The following EPB41L4A variants were observed in gnomAD, a reference collection of about 807,000 sequenced individuals.
EPB41L4A encodes the protein erythrocyte membrane protein band 4.1 like 4A, also known as band 4.1-like protein 4A.
Under a neutral mutation model 108.6 loss-of-function variants are expected in EPB41L4A, and 100 were observed. The ratio of observed to expected loss-of-function variants is 0.92; its 90% CI spans 0.78 to 1.09. The LOEUF is 1.09. EPB41L4A is among the 50% of genes least tolerant of loss of function. The pLI, the probability that EPB41L4A is intolerant of heterozygous loss-of-function variation, is 0.00. For synonymous variants in EPB41L4A, 319 were observed against 289.0 expected (o/e 1.10, Z -1.05); for missense variants, 1,030 against 842.7 (o/e 1.22, Z -2.75).
intron 22 of EPB41L4A, 27 bp from the exon 23 acceptor site, chr5:112,165,145 A>G: frequency 1.3e-6 from 2 of 1,525,088 alleles, no homozygotes; most frequent in Non-Finnish European, 1.8e-6. Flanking sequence ...AAATGTAGAA[A>G]GATTCAGAAG....
chr5:112,204,288 G>A (rs1046523456), intron 15 of EPB41L4A, 87 bp downstream of exon 15: 6 of 764,818 alleles, frequency 7.8e-6, no homozygotes, highest in Middle Eastern at 2.4e-4. Context: ...CAGTAATGTC[G>A]GTATAAGAAT....
intron 2 of EPB41L4A, among the ~76,000 whole-genome samples, chr5:112,293,267 G>A (rs1232348208): frequency 6.6e-6 from 1 of 151,922 alleles, no homozygotes; most frequent in African/African-American, 2.4e-5. Flanking sequence ...TTGTTATACA[G>A]GTAATCTCGT....
intron 9 of EPB41L4A, among the ~76,000 whole-genome samples, chr5:112,252,678 C>G (rs1440660660): frequency 6.6e-6 from 1 of 152,000 alleles, no homozygotes; most frequent in Non-Finnish European, 1.5e-5. Flanking sequence ...ATGGAAACAA[C>G]AGACACTGGG....
chr5:112,373,436 T>C (rs1317416161), intron 1 of EPB41L4A, among the ~76,000 whole-genome samples: 1 of 152,198 alleles, frequency 6.6e-6, no homozygotes, highest in African/African-American at 2.4e-5. Context: ...CAACCTGAAA[T>C]TCAACTCATT....
intron 2 of EPB41L4A, among the ~76,000 whole-genome samples, chr5:112,302,999 A>G (rs557410003): frequency 6.6e-6 from 1 of 152,262 alleles, no homozygotes; most frequent in Non-Finnish European, 1.5e-5. Context: ...TCAAAGGGTT[A>G]CCTAAGAGGA....
At chr5:112,354,184 T>C (rs1436613954) in intron 1 of EPB41L4A, among the ~76,000 whole-genome samples, 1 of 152,224 alleles carries the variant, frequency 6.6e-6, no homozygotes, top group Non-Finnish European at 1.5e-5. Flanking sequence ...TGCTTTATAA[T>C]AGTGCCTGGC....
intron 7 of EPB41L4A, among the ~76,000 whole-genome samples, chr5:112,262,184 C>T (rs1751539308): frequency 6.6e-6 from 1 of 152,150 alleles, no homozygotes; most frequent in African/African-American, 2.4e-5. Flanking sequence ...GCATGAGCAA[C>T]CACGCCTGGC....
At chr5:112,277,698 A>G (rs910282935) in intron 3 of EPB41L4A, among the ~76,000 whole-genome samples, 3 of 152,146 alleles carry the variant, frequency 2.0e-5, no homozygotes, top group Admixed American at 1.3e-4. Flanking sequence ...AAATAATAAT[A>G]CCTTTAGAGT....
intron 18 of EPB41L4A, among the ~76,000 whole-genome samples, chr5:112,174,016 A>C (rs1467788783): frequency 1.3e-5 from 2 of 152,200 alleles, no homozygotes; most frequent in African/African-American, 4.8e-5. Flanking sequence ...AAGATTGAAG[A>C]GTTTAGTCTT....
At chr5:112,302,601 G>A (rs575832179) in intron 2 of EPB41L4A, among the ~76,000 whole-genome samples, 2 of 152,240 alleles carry the variant, frequency 1.3e-5, no homozygotes, top group South Asian at 2.1e-4. Context: ...ATAAACAGAG[G>A]AACTGAAGTA....
At chr5:112,169,618 T>C (rs1192455152) in intron 20 of EPB41L4A, among the ~76,000 whole-genome samples, 1 of 152,222 alleles carries the variant, frequency 6.6e-6, no homozygotes, top group Non-Finnish European at 1.5e-5. Context: ...TATACATATA[T>C]CAAAACATCA....
At chr5:112,226,922 T>C (rs1472711756) in intron 12 of EPB41L4A, among the ~76,000 whole-genome samples, 13 of 151,748 alleles carry the variant, frequency 8.6e-5, no homozygotes, top group Non-Finnish European at 4.4e-5. Context: ...TTTAATACTA[T>C]TGAACTTACT....
At chr5:112,235,079 T>C (rs1749233653) in intron 11 of EPB41L4A, among the ~76,000 whole-genome samples, 1 of 152,130 alleles carries the variant, frequency 6.6e-6, no homozygotes, top group Admixed American at 6.5e-5. Flanking sequence ...AATAAAGAAA[T>C]TAAGTTGGGC....
intron 18 of EPB41L4A, among the ~76,000 whole-genome samples, chr5:112,172,109 G>C (rs528408743): frequency 1.8e-4 from 28 of 152,248 alleles, no homozygotes; most frequent in African/African-American, 6.5e-4. Flanking sequence ...TGTCTATAAA[G>C]ACCTTTTAAT....
intron 1 of EPB41L4A, among the ~76,000 whole-genome samples, chr5:112,372,998 T>C (rs1400561803): frequency 6.6e-6 from 1 of 152,216 alleles, no homozygotes; most frequent in African/African-American, 2.4e-5. Context: ...GTTCCATATA[T>C]TCTTTTTAAG....
At chr5:112,154,755 T>C (rs1290118735) in intron 12 of EPB41L4A, among the ~76,000 whole-genome samples, 2 of 152,194 alleles carry the variant, frequency 1.3e-5, no homozygotes, top group Non-Finnish European at 2.9e-5. Flanking sequence ...TAAAGTGACA[T>C]AAATGCTGGA....
intron 12 of EPB41L4A, among the ~76,000 whole-genome samples, chr5:112,213,922 T>C (rs1212277480): frequency 6.6e-6 from 1 of 152,360 alleles, no homozygotes; most frequent in East Asian, 1.9e-4. Context: ...CAGAATAATA[T>C]ATTTTAACCA....
chr5:112,234,663 G>T lies in EPB41L4A; in HGVS notation c.1058C>A (p.Pro353His). Residue 353 changes from proline (P) to histidine (H), a missense_variant, in exon 12 of 23, where the codon CCT (proline) becomes CAT (histidine). By Grantham distance (77) the Pro-to-His change is moderately conservative. Transcript: ENST00000261486. The part of the protein sequence containing the change: ...NVTRSRSKTY[P>H]KRIAQTQPAE... ...TGGCTGTGTTTGTGCTATTCGCTTA[G>T]GGTAAGTCTTGCTTCGACTTCTTGT... 1 of 1,613,578 alleles carries T rather than the reference G, an allele frequency of 6.2e-7. No homozygotes were observed. The highest frequency in any genetic ancestry group is 1.1e-5 in the South Asian group (1 of 91,026).
At chr5:112,231,007 T>G (rs1748877616) in intron 12 of EPB41L4A, among the ~76,000 whole-genome samples, 1 of 152,212 alleles carries the variant, frequency 6.6e-6, no homozygotes. Flanking sequence ...CACAGCACTA[T>G]TTAATCCTCT....
Sources: allele counts gnomAD v4.1 joint callset (sites outside exome capture counted in the v4.1 genomes callset), GRCh38; gene constraint gnomAD v4.1.1; transcripts MANE v1.5; gene names NCBI Gene and HGNC (gene_info 2026-07-23, HGNC 2026-07-21).